Variants in SMYD3 observed in about 807,000 individuals in gnomAD.
SMYD3 encodes the protein SET and MYND domain containing 3, also known as histone-lysine N-methyltransferase SMYD3.
A neutral mutation model predicts 57.7 loss-of-function variants in SMYD3; 36 were observed. The observed-to-expected ratio is 0.62, with a 90% confidence interval of 0.48 to 0.82. The LOEUF (loss-of-function observed/expected upper bound fraction) is 0.82. SMYD3 is among the 40% of genes least tolerant of loss of function. SMYD3 has a pLI of 0.00. For synonymous variants in SMYD3, 211 were observed against 195.0 expected (o/e 1.08, Z -0.68); for missense variants, 515 against 538.8 (o/e 0.96, Z 0.44).
chr1:246,044,480 GGCA>G (rs2059930047), intron 5 of SMYD3, among the ~76,000 whole-genome samples: 1 of 152,100 alleles, frequency 6.6e-6, no homozygotes, highest in Admixed American at 6.6e-5. Context: ...GGGTTGTTTG[GGCA>G]AGAAATTTTG....
At chr1:245,870,385 G>A (rs530906275) in intron 8 of SMYD3, among the ~76,000 whole-genome samples, 4 of 152,108 alleles carry the variant, frequency 2.6e-5, no homozygotes, top group Non-Finnish European at 1.5e-5. Context: ...CCGGACCCAC[G>A]CTTTCTGACA....
chr1:246,327,083 T>A (rs1038817833), intron 5 of SMYD3, 118 bp downstream of exon 5: 2 of 1,161,018 alleles, frequency 1.7e-6, no homozygotes, highest in African/African-American at 3.1e-5. Context: ...GGAAGTAATA[T>A]AAGGCATTAA....
In SMYD3 at chr1:245,776,935, T is replaced by C. The variant is rs569321616; in HGVS notation, c.1077-12786A>G. 5.9e-5 allele frequency among the ~76,000 whole-genome samples: 9 copies of C among 152,340 alleles called. No individual in the cohort carries two copies. In the South Asian group the frequency reaches 1.9e-3, roughly 32 times the overall value. The stretch of plus-strand genomic sequence containing the variant: ...ATATTGTCCACAGCTGCTTTCAAGC[T>C]ACAAGAGCAGAATTAAGTAGGAGGA... On this transcript the variant is annotated intron_variant, in intron 10 of 11. Coordinates refer to ENST00000490107, the MANE Select transcript of SMYD3 (RefSeq NM_001167740.2).
At chr1:246,229,530 T>C (rs1257036041) in intron 5 of SMYD3, among the ~76,000 whole-genome samples, 1 of 152,230 alleles carries the variant, frequency 6.6e-6, no homozygotes, top group Non-Finnish European at 1.5e-5. Context: ...AGTTAAATTA[T>C]GCACTACCAT....
At chr1:245,797,753 T>C (rs1183400395) in intron 10 of SMYD3, among the ~76,000 whole-genome samples, 1 of 145,494 alleles carries the variant, frequency 6.9e-6, no homozygotes, top group Non-Finnish European at 1.5e-5. Flanking sequence ...AGATTTCAGG[T>C]CCACTGCAGA....
chr1:245,954,913 G>C (rs532015893), intron 5 of SMYD3, among the ~76,000 whole-genome samples: 1 of 150,608 alleles, frequency 6.6e-6, no homozygotes, highest in African/African-American at 2.4e-5. Context: ...AAACAGATTT[G>C]ATTTTACAAA....
Position 246,089,136 on chromosome 1 carries a change from C to A in SMYD3, c.532-159199G>T, listed in dbSNP as rs147450237. ...GGGACCACAGGCATGCACCACCATG[C>A]CCAGCTAATTTTTGTACTTTTTTGT... is the stretch of plus-strand genomic sequence containing the variant. On this transcript the variant is annotated intron_variant, in intron 5 of 11. Coordinates refer to ENST00000490107, the MANE Select transcript of SMYD3 (RefSeq NM_001167740.2). Among the ~76,000 whole-genome samples the A allele has an allele frequency of 3.0e-3, 457 of 152,104 alleles. 1 individual carries two copies. Among genetic ancestry groups the A allele is most frequent in the Middle Eastern group, 6.8e-3 (2 of 294 alleles).
At chr1:246,206,065 G>A (rs2062995642) in intron 5 of SMYD3, among the ~76,000 whole-genome samples, 1 of 152,030 alleles carries the variant, frequency 6.6e-6, no homozygotes, top group Non-Finnish European at 1.5e-5. Flanking sequence ...CAAGGATCGG[G>A]CTTTCTATAG....
chr1:245,941,460 G>A (rs560986829), intron 5 of SMYD3, among the ~76,000 whole-genome samples: 10 of 152,314 alleles, frequency 6.6e-5, no homozygotes, highest in Admixed American at 5.9e-4. Flanking sequence ...CAGACTAACA[G>A]CAGATCTCTC....
At chr1:245,804,435 G>C (rs773006824) in intron 10 of SMYD3, among the ~76,000 whole-genome samples, 1 of 152,104 alleles carries the variant, frequency 6.6e-6, no homozygotes, top group African/African-American at 2.4e-5. Flanking sequence ...ACGGGCGCCT[G>C]TAGTCCCAGC....
intron 5 of SMYD3, among the ~76,000 whole-genome samples, chr1:246,305,166 C>T (rs970066845): frequency 2.0e-5 from 3 of 152,244 alleles, no homozygotes; most frequent in East Asian, 1.9e-4. Context: ...ATGCTGAATC[C>T]GAAAGGGTTC....
chr1:246,506,994 C>CCCCCCCCCCA, intron 1 of SMYD3, 60 bp downstream of exon 1: 3 of 894,038 alleles, frequency 3.4e-6, no homozygotes, highest in Non-Finnish European at 3.0e-6. Flanking sequence ...CCGACGCCCC[C>CCCCCCCCCCA]CCCTCCCCAG....
intron 5 of SMYD3, among the ~76,000 whole-genome samples, chr1:246,082,359 G>A (rs1177913951): frequency 6.6e-6 from 1 of 152,012 alleles, no homozygotes; most frequent in South Asian, 2.1e-4. Context: ...TTGGTCTTTC[G>A]AAACGTTTTT....
intron 5 of SMYD3, among the ~76,000 whole-genome samples, chr1:245,971,803 C>T (rs753094357): frequency 1.1e-4 from 17 of 152,142 alleles, no homozygotes; most frequent in Non-Finnish European, 2.2e-4. Context: ...CTTACATGAT[C>T]ACTAACACTT....
chr1:246,154,432 G>A (rs566556593), intron 5 of SMYD3, among the ~76,000 whole-genome samples: 113 of 152,214 alleles, frequency 7.4e-4, no homozygotes, highest in Middle Eastern at 3.4e-3. Flanking sequence ...TTTGACCCCC[G>A]CTCACGGCAC....
intron 5 of SMYD3, among the ~76,000 whole-genome samples, chr1:246,039,029 T>TA (rs2059824947): frequency 6.6e-6 from 1 of 152,184 alleles, no homozygotes; most frequent in African/African-American, 2.4e-5. Context: ...TACCAGAGTT[T>TA]AATATTTTAA....
At chr1:246,318,697 G>A (rs2148646385) in intron 5 of SMYD3, among the ~76,000 whole-genome samples, 1 of 152,232 alleles carries the variant, frequency 6.6e-6, no homozygotes, top group South Asian at 2.1e-4. Context: ...TGCATTAATG[G>A]CAAGTTATAC....
At chr1:245,866,411 G>A (rs2051848197) in intron 8 of SMYD3, among the ~76,000 whole-genome samples, 1 of 145,468 alleles carries the variant, frequency 6.9e-6, no homozygotes, top group Admixed American at 6.9e-5. Flanking sequence ...GTACATGGAG[G>A]AGGGAGGAGA....
intron 10 of SMYD3, among the ~76,000 whole-genome samples, chr1:245,857,111 C>T (rs1256050500): frequency 6.6e-6 from 1 of 152,170 alleles, no homozygotes; most frequent in East Asian, 1.9e-4. Flanking sequence ...ATCCCTCATA[C>T]ATTTGATTAA....
Sources: allele counts gnomAD v4.1 joint callset (sites outside exome capture counted in the v4.1 genomes callset), GRCh38; gene constraint gnomAD v4.1.1; transcripts MANE v1.5; gene names NCBI Gene and HGNC (gene_info 2026-07-23, HGNC 2026-07-21).